The following IMMP2L variants were observed in gnomAD, a reference collection of about 807,000 sequenced individuals.
IMMP2L encodes inner mitochondrial membrane peptidase subunit 2.
A neutral mutation model predicts 19.3 loss-of-function variants in IMMP2L; 18 were observed. The observed-to-expected ratio is 0.93, with a 90% CI of 0.64 to 1.38. IMMP2L has a LOEUF of 1.38. Ranked by LOEUF, IMMP2L falls within the 40% of genes most tolerant of loss-of-function variation. IMMP2L has a pLI of 0.00. For synonymous variants in IMMP2L, 76 were observed against 73.0 expected (o/e 1.04, Z -0.21); for missense variants, 233 against 218.2 (o/e 1.07, Z -0.43).
At chr7:111,506,956 C>T (rs1452211377) in intron 2 of IMMP2L, among the ~76,000 whole-genome samples, 1 of 152,124 alleles carries the variant, frequency 6.6e-6, no homozygotes, top group Non-Finnish European at 1.5e-5. Flanking sequence ...ATCCTCCCAC[C>T]TCAGCCTCCC....
In IMMP2L at chr7:110,715,394, G is replaced by T. The variant is rs544758112; in HGVS notation, c.409-51673C>A. 5.9e-5 allele frequency among the ~76,000 whole-genome samples: 9 copies of T among 152,212 alleles called. No individual in the cohort carries two copies. In the South Asian group the frequency reaches 8.3e-4, roughly 14 times the overall value. Reference sequence around the variant, plus strand: ...TTGAAATTATTTTTTACTTTCTGAGGTAGGCATTTAGTGCTATAAACTTTC... The same window carrying T: ...TTGAAATTATTTTTTACTTTCTGAGTTAGGCATTTAGTGCTATAAACTTTC... On this transcript the variant is annotated intron_variant, in intron 5 of 5. Coordinates refer to ENST00000405709, the MANE Select transcript of IMMP2L (RefSeq NM_032549.4).
chr7:110,686,291 CT>C (rs753530623), intron 5 of IMMP2L, among the ~76,000 whole-genome samples: 1 of 151,920 alleles, frequency 6.6e-6, no homozygotes, highest in Non-Finnish European at 1.5e-5. Context: ...AATAATCCCC[CT>C]GTTTCCTGAA....
chr7:110,731,712 C>T (rs745983576), intron 5 of IMMP2L, among the ~76,000 whole-genome samples: 5 of 152,130 alleles, frequency 3.3e-5, no homozygotes, highest in Non-Finnish European at 2.9e-5. Flanking sequence ...GTGAAGAATT[C>T]TTGACATGCT....
At chr7:111,393,718 A>C (rs1481852310) in intron 3 of IMMP2L, among the ~76,000 whole-genome samples, 1 of 152,168 alleles carries the variant, frequency 6.6e-6, no homozygotes, top group Non-Finnish European at 1.5e-5. Context: ...CTCACGCCCA[A>C]GAGTACAACT....
Position 111,123,882 on chromosome 7 carries a change from C to G in IMMP2L, c.240-160317G>C. 6.2e-7 allele frequency: 1 copy of G among 1,614,004 alleles called. No homozygotes were observed. ...AAATCAGCATACACAGTAACCCCAT[C>G]AGGTGTGACTGTGTCATCCGTTGGA... On this transcript the variant is annotated intron_variant, in intron 3 of 5. Coordinates refer to ENST00000405709, the MANE Select transcript of IMMP2L (RefSeq NM_032549.4). The surrounding 1 kb of genome is among the most constrained non-coding windows in gnomAD (Gnocchi z 6.4).
intron 5 of IMMP2L, among the ~76,000 whole-genome samples, chr7:110,817,097 A>G (rs776688000): frequency 7.9e-5 from 12 of 151,898 alleles, no homozygotes; most frequent in East Asian, 1.9e-4. Flanking sequence ...ACATAGTGTT[A>G]GAAGTTCTGG....
intron 3 of IMMP2L, among the ~76,000 whole-genome samples, chr7:111,260,611 T>C (rs1279982435): frequency 1.6e-4 from 25 of 152,160 alleles, no homozygotes; most frequent in Non-Finnish European, 2.9e-5. Flanking sequence ...TATATTTTCA[T>C]GACAATATTC....
At chr7:110,811,499 G>A (rs1395967055) in intron 5 of IMMP2L, among the ~76,000 whole-genome samples, 1 of 151,988 alleles carries the variant, frequency 6.6e-6, no homozygotes, top group Non-Finnish European at 1.5e-5. Flanking sequence ...AGCTGGAACA[G>A]GTGAAGGTAA....
intron 5 of IMMP2L, among the ~76,000 whole-genome samples, chr7:110,683,700 T>C (rs1228803912): frequency 3.3e-5 from 5 of 152,158 alleles, no homozygotes; most frequent in Admixed American, 3.3e-4. Flanking sequence ...GTTAAAGGCA[T>C]ATTGGTCCAA....
chr7:110,946,718 C>CTTTTTT lies in IMMP2L; in HGVS notation c.305+16776_305+16781dup, dbSNP rs754971058. 6.0e-4 allele frequency among the ~76,000 whole-genome samples: 68 copies of CTTTTTT among 114,156 alleles called. 1 individual carries two copies. The highest frequency in any genetic ancestry group is 1.3e-3 in the African/African-American group (37 of 28,612). 74.9% of individuals were successfully genotyped at this position (114,156 alleles called of 152,430 possible). ...AAACTGTTAAGAAAACATTTAATAC[C>CTTTTTT]TTTTTTTTTTTTTTTTTTTTGAGAC... is the stretch of plus-strand genomic sequence containing the variant. On this transcript the variant is annotated intron_variant, in intron 4 of 5. Transcript: ENST00000405709.
At chr7:111,430,486 A>G in intron 3 of IMMP2L, among the ~76,000 whole-genome samples, 1 of 151,742 alleles carries the variant, frequency 6.6e-6, no homozygotes, top group East Asian at 1.9e-4. Flanking sequence ...TAGTTCTGAG[A>G]CTATATAATC....
At chr7:110,738,122 C>A (rs1240068354) in intron 5 of IMMP2L, among the ~76,000 whole-genome samples, 2 of 152,162 alleles carry the variant, frequency 1.3e-5, no homozygotes, top group Non-Finnish European at 2.9e-5. Flanking sequence ...AGCAGAAAAA[C>A]AATTCTGCTA....
At chr7:110,684,907 A>G (rs1037410293) in intron 5 of IMMP2L, among the ~76,000 whole-genome samples, 3 of 152,114 alleles carry the variant, frequency 2.0e-5, no homozygotes, top group African/African-American at 7.2e-5. Flanking sequence ...AACCTACTGT[A>G]TCCAGTGCTA....
Position 110,851,665 on chromosome 7 carries a change from C to T in IMMP2L, c.408+34928G>A, listed in dbSNP as rs141742324. On this transcript the variant is annotated intron_variant, in intron 5 of 5. Transcript: ENST00000405709. ...GGAAATGAGGCAAGAAAGCCACTTA[C>T]CCTCTAGGATTGAACTAACTCACAA... is the stretch of plus-strand genomic sequence containing the variant. 3.4e-3 allele frequency among the ~76,000 whole-genome samples: 521 copies of T among 152,192 alleles called. 4 individuals are homozygous for T. Among genetic ancestry groups the T allele is most frequent in the African/African-American group, 0.012 (503 of 41,552 alleles).
chr7:110,996,541 G>A (rs1823046503), intron 3 of IMMP2L, among the ~76,000 whole-genome samples: 1 of 152,080 alleles, frequency 6.6e-6, no homozygotes, highest in South Asian at 2.1e-4. Flanking sequence ...CATCTGGGCT[G>A]GGTAGACCCT....
At chr7:110,930,586 G>A (rs1815360979) in intron 4 of IMMP2L, among the ~76,000 whole-genome samples, 1 of 152,232 alleles carries the variant, frequency 6.6e-6, no homozygotes, top group Non-Finnish European at 1.5e-5. Flanking sequence ...CTTGCCCTGG[G>A]TCACAGAAAG....
In IMMP2L at chr7:111,029,969, C is replaced by T. The variant is rs116474591; in HGVS notation, c.240-66404G>A. On this transcript the variant is annotated intron_variant, in intron 3 of 5. Transcript: ENST00000405709. ...CAAAAAGGCAGTCACTTAAATGAGACAGTGAGAGAATCACAAATCATAGAA... is the reference window on the plus strand; with the variant it reads ...CAAAAAGGCAGTCACTTAAATGAGATAGTGAGAGAATCACAAATCATAGAA... Among the ~76,000 whole-genome samples the T allele has an allele frequency of 2.7e-3, 405 of 152,288 alleles. 1 individual carries two copies. Among genetic ancestry groups the T allele is most frequent in the African/African-American group, 9.4e-3 (389 of 41,548 alleles).
At chr7:110,712,939 C>G (rs1794989470) in intron 5 of IMMP2L, among the ~76,000 whole-genome samples, 1 of 149,844 alleles carries the variant, frequency 6.7e-6, no homozygotes, top group Non-Finnish European at 1.5e-5. Flanking sequence ...AACCCGGTAC[C>G]TCAGATGGAA....
chr7:111,173,165 T>C (rs1490356849), intron 3 of IMMP2L, among the ~76,000 whole-genome samples: 2 of 151,552 alleles, frequency 1.3e-5, no homozygotes, highest in African/African-American at 4.8e-5. Flanking sequence ...GTTGCAGTCA[T>C]TGGAAGATTT....
Sources: gnomAD v4.1 joint callset for allele counts (sites outside exome capture counted in the v4.1 genomes callset) on GRCh38, gnomAD v4.1.1 for gene constraint, Gnocchi (gnomAD v3.1) non-coding constraint, MANE v1.5 for transcripts, NCBI Gene and HGNC (gene_info 2026-07-23, HGNC 2026-07-21) for gene names.